Variants in CEP290 observed in about 807,000 individuals in gnomAD.
The protein encoded by CEP290 is centrosomal protein 290.
Under a neutral mutation model 344.9 loss-of-function variants are expected in CEP290, and 317 were observed. That is an observed-to-expected ratio of 0.92 (90% CI 0.84 to 1.01). The LOEUF is 1.01. Among genes scored for constraint, CEP290 ranks in the 50% least tolerant of loss-of-function variants. The pLI, the probability that CEP290 is intolerant of heterozygous loss-of-function variation, is 0.00. For missense variants in CEP290, 2,754 were observed against 2,761.4 expected, an observed-to-expected ratio of 1.00 and a Z score of 0.06; for synonymous variants, 932 against 895.8, an observed-to-expected ratio of 1.04 and a Z score of -0.72.
Position 88,083,085 on chromosome 12 carries a change from C to G in CEP290, c.4958G>C (p.Arg1653Thr), listed in dbSNP as rs2036309255. The G allele has an allele frequency of 6.6e-7, 1 of 1,525,418 alleles. No homozygotes were observed. The highest frequency in any genetic ancestry group is 2.2e-5 in the Admixed American group (1 of 45,554). 94.5% of individuals were successfully genotyped at this position (1,525,418 alleles called of 1,614,324 possible). The change falls in exon 37 of 54, where the codon AGA (arginine) becomes ACA (threonine). Residue 1653 changes from arginine (R) to threonine (T), a missense_variant. Transcript: ENST00000552810. The part of the protein sequence containing the change: ...KLKKVSQDLE[R>T]QREITELKVK... ...TTTTAATTCAGTGATTTCTCTTTGT[C>G]TCTCCAAATCTTGTGATACTTTCTT...
At chr12:88,091,165 T>C (rs1206830095) in intron 29 of CEP290, among the ~76,000 whole-genome samples, 1 of 152,174 alleles carries the variant, frequency 6.6e-6, no homozygotes, top group Non-Finnish European at 1.5e-5. Context: ...TTTCCAAATG[T>C]ATATAGCCAA....
chr12:88,080,476 C>T, intron 37 of CEP290, 81 bp from the exon 38 acceptor site: 1 of 1,028,630 alleles, frequency 9.7e-7, no homozygotes, highest in Non-Finnish European at 1.4e-6. Context: ...GTCACCCAGG[C>T]TGGAGTGCAG....
At chr12:88,139,443 C>T in intron 4 of CEP290, 52 bp downstream of exon 4, 12 of 1,272,774 alleles carry the variant, frequency 9.4e-6, no homozygotes, top group Non-Finnish European at 1.3e-5. Flanking sequence ...GTTTAATGAA[C>T]AAATGGAATT....
intron 13 of CEP290, 144 bp from the exon 14 acceptor site, chr12:88,121,310 T>G (rs1015756904): frequency 6.2e-6 from 4 of 642,370 alleles, no homozygotes; most frequent in Admixed American, 3.3e-5. Flanking sequence ...AGATGAAAGT[T>G]TTGTTTTGGT....
intron 24 of CEP290, 24 bp downstream of exon 24, chr12:88,106,972 T>C: frequency 6.5e-7 from 1 of 1,536,372 alleles, no homozygotes; most frequent in Middle Eastern, 1.7e-4. Context: ...TATTGCATAC[T>C]AATGTTAAAA....
intron 26 of CEP290, among the ~76,000 whole-genome samples, chr12:88,098,171 G>A (rs2037583824): frequency 6.6e-6 from 1 of 151,602 alleles, no homozygotes; most frequent in Non-Finnish European, 1.5e-5. Context: ...CAGTCATGAT[G>A]GCACTTGCCT....
intron 37 of CEP290, among the ~76,000 whole-genome samples, chr12:88,081,256 A>G (rs1448052157): frequency 6.6e-6 from 1 of 152,190 alleles, no homozygotes; most frequent in East Asian, 1.9e-4. Flanking sequence ...GATCCTCTAT[A>G]TTTGAGAAAT....
At chr12:88,106,948 C>T (rs748421473) in intron 24 of CEP290, 43 bp from the exon 25 acceptor site, 2 of 1,557,724 alleles carry the variant, frequency 1.3e-6, no homozygotes, top group Non-Finnish European at 1.7e-6. Flanking sequence ...ATCTAGCTAT[C>T]CTACTTTGTA....
chr12:88,139,442 A>G, intron 4 of CEP290, 53 bp downstream of exon 4: 4 of 1,273,834 alleles, frequency 3.1e-6, no homozygotes, highest in South Asian at 1.5e-5. Flanking sequence ...AGTTTAATGA[A>G]CAAATGGAAT....
chr12:88,061,491 A>G (rs1472202825), intron 46 of CEP290, among the ~76,000 whole-genome samples: 1 of 152,202 alleles, frequency 6.6e-6, no homozygotes, highest in Non-Finnish European at 1.5e-5. Flanking sequence ...GAAATAAAAA[A>G]CCTTGCATAA....
In CEP290 at chr12:88,068,534, A is replaced by G; in HGVS notation, c.6123T>C (p.Tyr2041=). 2 of 1,550,806 alleles carry G rather than the reference A, an allele frequency of 1.3e-6. No homozygotes were observed. The highest frequency in any genetic ancestry group is 1.7e-6 in the Non-Finnish European group (2 of 1,146,328). ...GATATACACTTACTGAAGGCTTAGAATATGTATCCTTTGAAAACTGTTTTT... is the reference window on the plus strand; with the variant it reads ...GATATACACTTACTGAAGGCTTAGAGTATGTATCCTTTGAAAACTGTTTTT... ...ALEKQFSKDT[Y]SKPSISGIES... Residue 2041 remains tyrosine (Y), a synonymous_variant, in exon 44 of 54, where the codon TAT becomes TAC. Transcript: ENST00000552810.
At position 88,089,410 on chromosome 12, in the gene CEP290, A is replaced by G. The variant is rs772054202; in HGVS notation, c.3651T>C (p.Ala1217=). ...NVSLQLSEAT[A]LGKLESITSK... is the part of the protein sequence containing the mutation. ...ATGTAATTGACTCCAACTTACCAAG[A>G]GCAGTAGCCTCACTCAGTTGAAGAG... The change falls in exon 31 of 54, where the codon GCT becomes GCC. Residue 1217 remains alanine, a synonymous_variant. Transcript: ENST00000552810. The G allele has an allele frequency of 4.3e-6, 7 of 1,611,452 alleles. No individual in the cohort carries two copies. The highest frequency in any genetic ancestry group is 2.2e-5 in the East Asian group (1 of 44,842).
chr12:88,073,679 C>T (rs549769212), intron 41 of CEP290, among the ~76,000 whole-genome samples: 4 of 152,198 alleles, frequency 2.6e-5, no homozygotes, highest in African/African-American at 7.2e-5. Context: ...TGCTTATAAT[C>T]TCAGCACTTT....
Position 88,109,043 on chromosome 12 carries a change from T to A in CEP290, c.2483+23A>T, listed in dbSNP as rs777957219. 26 of 750,054 alleles carry A rather than the reference T, an allele frequency of 3.5e-5. 1 individual carries two copies. Among genetic ancestry groups the A allele is most frequent in the Middle Eastern group, 3.3e-4 (1 of 3,070 alleles). The allele number at this position is 750,054 out of a possible 1,614,324, so 46.5% of individuals were successfully genotyped here. On this transcript the variant is annotated intron_variant, in intron 23 of 53. Transcript: ENST00000552810. ...AACAAGAATATACTGCAATTATATT[T>A]ATAGTTTTGCTAATACCTATACCTT... is the stretch of plus-strand genomic sequence containing the variant.
chr12:88,076,714 T>C (rs1420861150), intron 41 of CEP290, among the ~76,000 whole-genome samples: 1 of 152,046 alleles, frequency 6.6e-6, no homozygotes, highest in Non-Finnish European at 1.5e-5. Context: ...TATGAGCAGA[T>C]TGGTTACTGA....
intron 32 of CEP290, among the ~76,000 whole-genome samples, chr12:88,087,212 G>C (rs1172286746): frequency 6.6e-6 from 1 of 152,072 alleles, no homozygotes; most frequent in African/African-American, 2.4e-5. Context: ...TAGAAACGTG[G>C]AACTGTGAAA....
At chr12:88,119,537 G>A (rs2039274443) in intron 15 of CEP290, among the ~76,000 whole-genome samples, 1 of 152,168 alleles carries the variant, frequency 6.6e-6, no homozygotes, top group South Asian at 2.1e-4. Flanking sequence ...GGTGGCTCAT[G>A]CCTATTATCC....
At chr12:88,061,318 G>A (rs1338603982) in intron 46 of CEP290, among the ~76,000 whole-genome samples, 1 of 152,034 alleles carries the variant, frequency 6.6e-6, no homozygotes, top group Non-Finnish European at 1.5e-5. Context: ...CAGTATATCA[G>A]AGTTTTTCTT....
intron 51 of CEP290, among the ~76,000 whole-genome samples, chr12:88,053,987 G>C (rs536688482): frequency 6.6e-6 from 1 of 152,120 alleles, no homozygotes; most frequent in Non-Finnish European, 1.5e-5. Flanking sequence ...TTCGTTATAA[G>C]AGGAGCTTAA....
Sources: allele counts gnomAD v4.1 joint callset (sites outside exome capture counted in the v4.1 genomes callset), GRCh38; gene constraint gnomAD v4.1.1; transcripts MANE v1.5; gene names NCBI Gene and HGNC (gene_info 2026-07-23, HGNC 2026-07-21).